The following NLGN4X variants were observed in gnomAD, a reference collection of about 807,000 sequenced individuals.
NLGN4X encodes neuroligin 4 X-linked, also known as neuroligin-4, X-linked.
A neutral mutation model predicts 40.3 loss-of-function variants in NLGN4X; 3 were observed. The observed-to-expected ratio is 0.07, with a 90% CI of 0.03 to 0.19. The LOEUF (loss-of-function observed/expected upper bound fraction) is 0.19, where lower values mean the gene tolerates loss of function less well. NLGN4X is among the 10% of genes least tolerant of loss of function. NLGN4X has a pLI of 1.00. For synonymous variants in NLGN4X, 270 were observed against 306.8 expected, an observed-to-expected ratio of 0.88 and a Z score of 1.25; for missense variants, 382 against 708.3, an observed-to-expected ratio of 0.54 and a Z score of 5.23.
intron 3 of NLGN4X, among the ~76,000 whole-genome samples, chrX:5,966,404 T>C (rs1418158250): frequency 8.9e-6 from 1 of 112,484 alleles, no homozygotes; most frequent in South Asian, 3.6e-4. Context: ...AGTTGTACTT[T>C]GCTGTTTTTT....
intron 2 of NLGN4X, among the ~76,000 whole-genome samples, chrX:6,093,820 A>T (rs1158829500): frequency 8.9e-6 from 1 of 112,049 alleles, no homozygotes; most frequent in Non-Finnish European, 1.9e-5. Context: ...CAAGAATATT[A>T]CATAGTAAAA....
chrX:5,897,516 T>C (rs1280454039), intron 5 of NLGN4X, among the ~76,000 whole-genome samples: 1 of 112,149 alleles, frequency 8.9e-6, no homozygotes, highest in Admixed American at 9.4e-5. Context: ...CTCTGCATGT[T>C]TGGGCTCACA....
chrX:6,055,053 G>A (rs931416377), intron 2 of NLGN4X, among the ~76,000 whole-genome samples: 3 of 112,111 alleles, frequency 2.7e-5, no homozygotes, highest in African/African-American at 9.7e-5. Context: ...TCTCCCAATG[G>A]ATCAACAGAG....
chrX:6,138,838 C>T (rs940308782), intron 2 of NLGN4X, among the ~76,000 whole-genome samples: 2 of 110,400 alleles, frequency 1.8e-5, no homozygotes, highest in Non-Finnish European at 3.8e-5. Flanking sequence ...CTATCGTTTC[C>T]GTCCAGGTAA....
chrX:5,892,552 C>A lies in NLGN4X; in HGVS notation c.*265G>T, dbSNP rs760741673. The A allele has an allele frequency of 2.7e-6, 1 of 372,695 alleles. No individual in the cohort carries two copies. The highest frequency in any genetic ancestry group is 2.6e-5 in the African/African-American group (1 of 38,983). 30.7% of individuals were successfully genotyped at this position (372,695 alleles called of 1,213,427 possible). A position where few individuals can be genotyped will look rare whatever the true frequency, so the allele number is the denominator to read the frequency against. On this transcript the variant is annotated 3_prime_UTR_variant, in exon 6 of 6. Coordinates refer to ENST00000381095, the MANE Select transcript of NLGN4X (RefSeq NM_181332.3). ...AAACATCGATTGGAGTGGTAGAGAT[C>A]TTAAAGCAGTTATTTTAACAGAAAT...
intron 3 of NLGN4X, among the ~76,000 whole-genome samples, chrX:5,946,244 G>A (rs1176241882): frequency 9.0e-6 from 1 of 111,264 alleles, no homozygotes; most frequent in Non-Finnish European, 1.9e-5. Flanking sequence ...TCCAGACGTC[G>A]ACAAATGTCT....
At position 6,225,002 on chromosome X, in the gene NLGN4X, A is replaced by ATATATAT. The variant is rs1556015449; in HGVS notation, c.-306+3532_-306+3538dup. 1.4e-3 allele frequency among the ~76,000 whole-genome samples: 77 copies of ATATATAT among 55,782 alleles called. 1 individual carries two copies. Among genetic ancestry groups the ATATATAT allele is most frequent in the African/African-American group, 5.2e-3 (75 of 14,525 alleles). 48.4% of individuals were successfully genotyped at this position (55,782 alleles called of 115,157 possible). On this transcript the variant is annotated intron_variant, in intron 1 of 5. Transcript: ENST00000381095. The stretch of plus-strand genomic sequence containing the variant: ...CATATATATATATATATATATATAT[A>ATATATAT]TATATATATACACACACACACACAT...
At chrX:6,223,058 C>CTA (rs1448939824) in intron 1 of NLGN4X, among the ~76,000 whole-genome samples, 1 of 110,514 alleles carries the variant, frequency 9.0e-6, no homozygotes, top group Admixed American at 9.7e-5. Flanking sequence ...CCTCATCTCA[C>CTA]TATATATATA....
rs185337075 is a variant in NLGN4X, at chrX:6,139,401, C to T, written c.472+11594G>A. 2.7e-5 allele frequency among the ~76,000 whole-genome samples: 3 copies of T among 111,939 alleles called. No homozygotes were observed. In the East Asian group the frequency reaches 8.5e-4, roughly 32 times the overall value. ...AAAAAATACCCAAGTGAGTATTTTGCATGTTAAATTACAACATCATTGCAC... is the reference window on the plus strand; with the variant it reads ...AAAAAATACCCAAGTGAGTATTTTGTATGTTAAATTACAACATCATTGCAC... On this transcript the variant is annotated intron_variant, in intron 2 of 5. Transcript: ENST00000381095.
intron 2 of NLGN4X, among the ~76,000 whole-genome samples, chrX:6,051,826 T>C (rs1205326753): frequency 1.8e-5 from 2 of 110,735 alleles, no homozygotes; most frequent in Admixed American, 9.6e-5. Context: ...TCCCAGGAAG[T>C]TGAATTTGAG....
intron 2 of NLGN4X, among the ~76,000 whole-genome samples, chrX:6,074,262 C>A (rs1402465147): frequency 1.8e-5 from 2 of 111,215 alleles, no homozygotes; most frequent in Non-Finnish European, 3.8e-5. Flanking sequence ...TCCCAGCCTT[C>A]ACAGCAGCCA....
chrX:5,991,781 C>T (rs770492768), intron 3 of NLGN4X, among the ~76,000 whole-genome samples: 1 of 112,156 alleles, frequency 8.9e-6, no homozygotes, highest in Admixed American at 9.5e-5. Flanking sequence ...AGGATAATTG[C>T]ATATCCAATC....
intron 2 of NLGN4X, among the ~76,000 whole-genome samples, chrX:6,143,404 G>T (rs1350350107): frequency 8.9e-6 from 1 of 112,199 alleles, no homozygotes; most frequent in African/African-American, 3.2e-5. Context: ...GAAGGAGTGG[G>T]GAACACAGAG....
At chrX:5,962,016 T>C (rs1168765561) in intron 3 of NLGN4X, among the ~76,000 whole-genome samples, 2 of 112,276 alleles carry the variant, frequency 1.8e-5, no homozygotes, top group East Asian at 2.8e-4. Flanking sequence ...ACCTGCTTTT[T>C]CCTGTTTTGA....
intron 2 of NLGN4X, among the ~76,000 whole-genome samples, chrX:6,097,864 CA>C (rs1435515676): frequency 3.6e-5 from 4 of 111,297 alleles, no homozygotes; most frequent in Non-Finnish European, 7.5e-5. Context: ...TAAGAATTAA[CA>C]TCTAGCATTT....
chrX:5,952,948 C>G (rs1264606901), intron 3 of NLGN4X, among the ~76,000 whole-genome samples: 1 of 112,013 alleles, frequency 8.9e-6, no homozygotes, highest in East Asian at 2.8e-4. Flanking sequence ...GAGAAACAGA[C>G]AGCAACCTCA....
intron 2 of NLGN4X, among the ~76,000 whole-genome samples, chrX:6,087,602 T>G (rs777962003): frequency 5.4e-5 from 6 of 111,652 alleles, no homozygotes; most frequent in Non-Finnish European, 1.1e-4. Flanking sequence ...TAAGATAGAT[T>G]CCTGGAAGCA....
At chrX:6,177,470 CATT>C (rs995876517) in intron 1 of NLGN4X, among the ~76,000 whole-genome samples, 1 of 112,081 alleles carries the variant, frequency 8.9e-6, no homozygotes, top group African/African-American at 3.2e-5. Flanking sequence ...CTGGCCCCAT[CATT>C]GTTTTGATTA....
chrX:6,036,979 C>G (rs936807770), intron 2 of NLGN4X, among the ~76,000 whole-genome samples: 4 of 111,159 alleles, frequency 3.6e-5, no homozygotes, highest in African/African-American at 1.3e-4. Flanking sequence ...TTTAAAATAG[C>G]ACTTTATGTT....
Sources: allele counts gnomAD v4.1 joint callset (sites outside exome capture counted in the v4.1 genomes callset), GRCh38; gene constraint gnomAD v4.1.1; transcripts MANE v1.5; gene names NCBI Gene and HGNC (gene_info 2026-07-23, HGNC 2026-07-21).